The following CFAP299 variants were observed in gnomAD, a reference collection of about 807,000 sequenced individuals.
CFAP299 encodes the protein cilia and flagella associated protein 299, also known as cilia- and flagella-associated protein 299.
In CFAP299, 21 loss-of-function variants were observed where a neutral mutation model predicts 27.0. The observed-to-expected ratio is 0.78, with a 90% CI of 0.55 to 1.12. The LOEUF (loss-of-function observed/expected upper bound fraction) is 1.12, where lower values mean the gene tolerates loss of function less well. Ranked by LOEUF, CFAP299 falls within the 50% of genes most tolerant of loss-of-function variation. The pLI is 0.00. For missense variants in CFAP299, 310 were observed against 276.6 expected, an observed-to-expected ratio of 1.12 and a Z score of -0.86; for synonymous variants, 104 against 98.1, an observed-to-expected ratio of 1.06 and a Z score of -0.36.
At chr4:80,383,029 A>G (rs1451908746) in intron 2 of CFAP299, among the ~76,000 whole-genome samples, 1 of 152,210 alleles carries the variant, frequency 6.6e-6, no homozygotes, top group Non-Finnish European at 1.5e-5. Context: ...TGTCCTTTGC[A>G]GGGACATAAA....
chr4:80,892,262 G>A (rs764253317), intron 4 of CFAP299, among the ~76,000 whole-genome samples: 17 of 152,208 alleles, frequency 1.1e-4, no homozygotes, highest in Non-Finnish European at 2.4e-4. Context: ...CAGGGAAAAG[G>A]CAGTCTGTTG....
At position 80,346,882 on chromosome 4, in the gene CFAP299, A is replaced by G. The variant is rs181344134; in HGVS notation, c.111+11003A>G. 2.7e-3 allele frequency among the ~76,000 whole-genome samples: 407 copies of G among 152,256 alleles called. 4 individuals carry two copies. The highest frequency in any genetic ancestry group is 9.0e-3 in the African/African-American group (374 of 41,530). On this transcript the variant is annotated intron_variant, in intron 1 of 5. Coordinates refer to ENST00000358105, the MANE Select transcript of CFAP299 (RefSeq NM_152770.3). ...CTTGGGCAGTATGGCCATTTTCACAATATTGATTCTTCCTATCCGTGATCA... is the reference window on the plus strand; with the variant it reads ...CTTGGGCAGTATGGCCATTTTCACAGTATTGATTCTTCCTATCCGTGATCA...
intron 1 of CFAP299, among the ~76,000 whole-genome samples, chr4:80,348,130 A>C (rs929990735): frequency 6.6e-6 from 1 of 152,152 alleles, no homozygotes. Context: ...TCTGTACACC[A>C]TATACAAAAA....
chr4:80,705,696 T>G (rs753661586), intron 3 of CFAP299, among the ~76,000 whole-genome samples: 2 of 151,826 alleles, frequency 1.3e-5, no homozygotes, highest in Non-Finnish European at 2.9e-5. Flanking sequence ...ACTGCTTTCC[T>G]TCTATTTAGT....
chr4:80,396,815 A>G (rs1028338480), intron 2 of CFAP299, among the ~76,000 whole-genome samples: 1 of 152,166 alleles, frequency 6.6e-6, no homozygotes, highest in African/African-American at 2.4e-5. Flanking sequence ...ATCGATGTTC[A>G]TCAGAGATAT....
chr4:80,894,068 C>T (rs967097379), intron 4 of CFAP299, among the ~76,000 whole-genome samples: 2 of 151,812 alleles, frequency 1.3e-5, no homozygotes, highest in East Asian at 1.9e-4. Flanking sequence ...CCTAACCAAA[C>T]GTTTCTCAAA....
intron 3 of CFAP299, among the ~76,000 whole-genome samples, chr4:80,590,848 A>G (rs1422074919): frequency 6.6e-6 from 1 of 152,084 alleles, no homozygotes; most frequent in Non-Finnish European, 1.5e-5. Flanking sequence ...GGAGGTTGGA[A>G]AAGAAAGGAG....
At chr4:80,714,181 T>A (rs1056748105) in intron 3 of CFAP299, among the ~76,000 whole-genome samples, 1 of 152,068 alleles carries the variant, frequency 6.6e-6, no homozygotes, top group African/African-American at 2.4e-5. Flanking sequence ...ACTTTATAGA[T>A]CCTCCTCCTA....
chr4:80,873,017 G>A (rs1733185991), intron 4 of CFAP299: 1 of 979,662 alleles, frequency 1.0e-6, no homozygotes, highest in Admixed American at 6.3e-5. Context: ...TTGTGCTTTT[G>A]TATTTTGTTT....
intron 2 of CFAP299, among the ~76,000 whole-genome samples, chr4:80,415,903 T>G (rs142107491): frequency 1.3e-5 from 2 of 152,174 alleles, no homozygotes; most frequent in African/African-American, 2.4e-5. Flanking sequence ...TACTATAGGC[T>G]GAAATTGATT....
At chr4:80,607,969 T>A (rs1385304664) in intron 3 of CFAP299, among the ~76,000 whole-genome samples, 1 of 152,138 alleles carries the variant, frequency 6.6e-6, no homozygotes, top group Admixed American at 6.5e-5. Context: ...TTACATGAAG[T>A]AGTTTTGCCT....
At chr4:80,858,164 A>G (rs151140570) in intron 3 of CFAP299, among the ~76,000 whole-genome samples, 6,184 of 152,188 alleles carry the variant, frequency 0.041, 174 homozygotes, top group Non-Finnish European at 0.065. Context: ...GAATTTATCC[A>G]TTTCTTCTAG....
upstream of CFAP299, among the ~76,000 whole-genome samples, chr4:80,332,011 A>G (rs965312989): frequency 3.9e-5 from 6 of 152,222 alleles, no homozygotes; most frequent in African/African-American, 1.4e-4. Context: ...CGAACCAACC[A>G]AACAACCAAC....
chr4:80,859,301 T>C (rs1478050584), intron 3 of CFAP299, among the ~76,000 whole-genome samples: 1 of 152,208 alleles, frequency 6.6e-6, no homozygotes, highest in Non-Finnish European at 1.5e-5. Context: ...AGCCTATGTG[T>C]GTCTCTGCAT....
At chr4:80,379,919 G>GTTGC (rs894551589) in intron 2 of CFAP299, among the ~76,000 whole-genome samples, 1 of 151,986 alleles carries the variant, frequency 6.6e-6, no homozygotes, top group Non-Finnish European at 1.5e-5. Context: ...ATTAAGCCAA[G>GTTGC]TTGCTTGATT....
At chr4:80,335,991 CGCCGCGGTTTCGGGACCGCGACACTAAA>C in intron 1 of CFAP299, 112 bp downstream of exon 1, 1 of 702,322 alleles carries the variant, frequency 1.4e-6, no homozygotes, top group East Asian at 2.6e-5. Context: ...AGCTGTCAGG[CGCCGCGGTTTCGGGACCGCGACACTAAA>C]GCCGCTGGCG....
intron 3 of CFAP299, among the ~76,000 whole-genome samples, chr4:80,761,602 G>T (rs1377109078): frequency 6.6e-6 from 1 of 151,714 alleles, no homozygotes; most frequent in African/African-American, 2.4e-5. Context: ...TAAAGTATAT[G>T]GCTGCAAAAT....
At chr4:80,725,778 C>T (rs1233775370) in intron 3 of CFAP299, among the ~76,000 whole-genome samples, 1 of 152,190 alleles carries the variant, frequency 6.6e-6, no homozygotes, top group African/African-American at 2.4e-5. Flanking sequence ...TTTAATATGG[C>T]ATCTGATCCT....
At chr4:80,738,840 T>A (rs775099547) in intron 3 of CFAP299, among the ~76,000 whole-genome samples, 2 of 151,966 alleles carry the variant, frequency 1.3e-5, no homozygotes, top group Non-Finnish European at 2.9e-5. Flanking sequence ...GTATTCCTTT[T>A]AGTGAAGGTG....
Sources: allele counts gnomAD v4.1 joint callset (sites outside exome capture counted in the v4.1 genomes callset), GRCh38; gene constraint gnomAD v4.1.1; transcripts MANE v1.5; gene names NCBI Gene and HGNC (gene_info 2026-07-23, HGNC 2026-07-21).